The following THSD7A variants were observed in gnomAD, a reference collection of about 807,000 sequenced individuals.
The protein encoded by THSD7A is thrombospondin type-1 domain-containing protein 7A.
In THSD7A, 96 loss-of-function variants were observed where a neutral mutation model predicts 231.3. That is an observed-to-expected ratio of 0.41 (90% confidence interval 0.35 to 0.49). The LOEUF is 0.49. Ranked by LOEUF, THSD7A falls within the 20% of genes least tolerant of loss-of-function variation. The probability of loss-of-function intolerance (pLI) is 0.05; values close to 1 mark genes in which losing one functional copy is unlikely to be tolerated. For missense variants in THSD7A, 2,290 were observed against 2,070.2 expected (o/e 1.11, Z -2.06); for synonymous variants, 940 against 743.3 (o/e 1.26, Z -4.30).
chr7:11,439,763 G>C (rs1406005966), intron 13 of THSD7A, among the ~76,000 whole-genome samples: 1 of 152,038 alleles, frequency 6.6e-6, no homozygotes, highest in African/African-American at 2.4e-5. Flanking sequence ...CAAGCTAGCA[G>C]AGGTTGGTTT....
At chr7:11,407,125 G>T (rs1490003378) in intron 20 of THSD7A, 70 bp from the exon 21 acceptor site, 8 of 1,569,412 alleles carry the variant, frequency 5.1e-6, no homozygotes, top group Admixed American at 1.8e-5. Flanking sequence ...CTCATTGGGA[G>T]AAGGCATCAC....
chr7:11,593,612 G>A (rs1409629324), intron 2 of THSD7A, 110 bp from the exon 3 acceptor site: 2 of 1,351,564 alleles, frequency 1.5e-6, no homozygotes, highest in African/African-American at 2.9e-5. Context: ...ACTTGGAGGT[G>A]TGATTCCAGT....
chr7:11,518,877 CAT>C (rs1338090350), intron 6 of THSD7A, among the ~76,000 whole-genome samples: 2 of 152,056 alleles, frequency 1.3e-5, no homozygotes, highest in Non-Finnish European at 2.9e-5. Context: ...CATATAGAAA[CAT>C]ATTTCATTCA....
intron 6 of THSD7A, among the ~76,000 whole-genome samples, chr7:11,519,308 C>A (rs574438318): frequency 8.5e-5 from 13 of 152,282 alleles, no homozygotes; most frequent in African/African-American, 3.1e-4. Flanking sequence ...CTACAGGCAA[C>A]CACTATTTTG....
intron 1 of THSD7A, among the ~76,000 whole-genome samples, chr7:11,710,269 GAA>G (rs35545313): frequency 3.4e-5 from 5 of 145,564 alleles, no homozygotes; most frequent in Admixed American, 1.4e-4. Context: ...CACTTTACAA[GAA>G]AAAAAAAAAG....
intron 5 of THSD7A, 49 bp downstream of exon 5, chr7:11,542,913 T>G (rs1354258127): frequency 5.1e-6 from 8 of 1,555,028 alleles, no homozygotes; most frequent in African/African-American, 1.4e-5. Context: ...AATTCATGAT[T>G]TGATACAATT....
chr7:11,746,122 C>CT (rs58987966), intron 1 of THSD7A, among the ~76,000 whole-genome samples: 4,038 of 151,876 alleles, frequency 0.027, 197 homozygotes, highest in African/African-American at 0.093. Flanking sequence ...TTTAATCAAC[C>CT]TTTTAATTAA....
chr7:11,584,416 A>T (rs1191341750), intron 4 of THSD7A, among the ~76,000 whole-genome samples: 4 of 152,192 alleles, frequency 2.6e-5, no homozygotes, highest in Non-Finnish European at 5.9e-5. Context: ...ATAAAATATA[A>T]GAGTGTTTAA....
At position 11,662,564 on chromosome 7, in the gene THSD7A, T is replaced by C. The variant is rs111838243; in HGVS notation, c.191-25603A>G. ...GATTAACAAAATAACATAATTGGCA[T>C]ACACACACACATATAAATACAAAAC... On this transcript the variant is annotated intron_variant, in intron 1 of 27. Transcript: ENST00000423059. Among the ~76,000 whole-genome samples the C allele has an allele frequency of 8.1e-3, 1,227 of 151,402 alleles. 10 individuals carry two copies. The highest frequency in any genetic ancestry group is 0.028 in the African/African-American group (1,172 of 41,462).
At chr7:11,747,362 T>C (rs1475827128) in intron 1 of THSD7A, among the ~76,000 whole-genome samples, 2 of 151,940 alleles carry the variant, frequency 1.3e-5, no homozygotes, top group Non-Finnish European at 2.9e-5. Context: ...CTTACAATTC[T>C]ACGAATTAAA....
chr7:11,598,381 GGA>G (rs1780440579), intron 2 of THSD7A, among the ~76,000 whole-genome samples: 1 of 152,192 alleles, frequency 6.6e-6, no homozygotes, highest in Admixed American at 6.5e-5. Flanking sequence ...CAAGTGGATA[GGA>G]TGACCTGTTC....
rs1321997366 is a variant in THSD7A at position 11,370,648 on chromosome 7, A to G, written c.*5146T>C. ...ATGTACATAATGTAAAATAAATTACATTACGCAATTTACAAAGTAATATTA... is the reference window on the plus strand; with the variant it reads ...ATGTACATAATGTAAAATAAATTACGTTACGCAATTTACAAAGTAATATTA... On this transcript the variant is annotated 3_prime_UTR_variant, in exon 28 of 28. Coordinates refer to ENST00000423059, the MANE Select transcript of THSD7A (RefSeq NM_015204.3). 1 of 152,218 alleles carries G rather than the reference A, an allele frequency of 6.6e-6. No individual in the cohort carries two copies. The highest frequency in any genetic ancestry group is 1.5e-5 in the Non-Finnish European group (1 of 68,026). The allele number at this position is 152,218 out of a possible 1,614,324, so 9.4% of individuals were successfully genotyped here.
At chr7:11,794,309 T>C (rs1374486486) in intron 1 of THSD7A, among the ~76,000 whole-genome samples, 5 of 151,942 alleles carry the variant, frequency 3.3e-5, no homozygotes, top group South Asian at 2.1e-4. Context: ...ACTTCAAAGC[T>C]CTGACAGTGT....
chr7:11,417,258 A>G (rs1303199503), intron 17 of THSD7A, among the ~76,000 whole-genome samples, 192 bp downstream of exon 17: 1 of 152,092 alleles, frequency 6.6e-6, no homozygotes, highest in African/African-American at 2.4e-5. Context: ...CTAGTGTGAG[A>G]GGAAACATTA....
intron 1 of THSD7A, among the ~76,000 whole-genome samples, chr7:11,655,516 T>C (rs1782670583): frequency 6.6e-6 from 1 of 151,922 alleles, no homozygotes; most frequent in Non-Finnish European, 1.5e-5. Context: ...ACTCTTGTTT[T>C]TGTTCCTTCT....
intron 5 of THSD7A, among the ~76,000 whole-genome samples, chr7:11,542,369 TC>T (rs1176980161): frequency 1.3e-5 from 2 of 152,238 alleles, no homozygotes; most frequent in African/African-American, 4.8e-5. Context: ...ATGTTTTCAA[TC>T]ATGAGATCAT....
At chr7:11,424,635 C>T in intron 16 of THSD7A, 61 bp downstream of exon 16, 1 of 1,600,246 alleles carries the variant, frequency 6.2e-7, no homozygotes, top group Admixed American at 1.7e-5. Context: ...CATGTTGGCA[C>T]ATGTGCAATT....
chr7:11,427,234 A>C (rs1260038930), intron 14 of THSD7A, among the ~76,000 whole-genome samples: 1 of 152,242 alleles, frequency 6.6e-6, no homozygotes, highest in Non-Finnish European at 1.5e-5. Context: ...AATTTTCAAC[A>C]TTAACACAAA....
intron 7 of THSD7A, among the ~76,000 whole-genome samples, chr7:11,480,908 T>C (rs1786396457): frequency 7.3e-6 from 1 of 136,612 alleles, no homozygotes; most frequent in Admixed American, 7.9e-5. Context: ...AATAATTATT[T>C]ATCAGTGCTA....
Sources: allele counts gnomAD v4.1 joint callset (sites outside exome capture counted in the v4.1 genomes callset), GRCh38; gene constraint gnomAD v4.1.1; transcripts MANE v1.5; gene names NCBI Gene and HGNC (gene_info 2026-07-23, HGNC 2026-07-21).